FEZF1: variants seen among roughly 807,000 people sequenced by gnomAD.
The protein encoded by FEZF1 is fez family zinc finger protein 1.
FEZF1 carries 8 observed loss-of-function variants against 32.4 expected under a neutral mutation model. The observed-to-expected ratio is 0.25, with a 90% CI of 0.15 to 0.45. The LOEUF is 0.45. FEZF1 is among the 20% of genes least tolerant of loss of function. The pLI, the probability that FEZF1 is intolerant of heterozygous loss-of-function variation, is 1.00. For synonymous variants in FEZF1, 259 were observed against 265.2 expected, an observed-to-expected ratio of 0.98 and a Z score of 0.23; for missense variants, 546 against 622.3, an observed-to-expected ratio of 0.88 and a Z score of 1.31.
chr7:122,304,003 C>A lies in FEZF1; in HGVS notation c.435G>T (p.Arg145Ser), dbSNP rs1456556147. 3 of 1,571,110 alleles carry A rather than the reference C, an allele frequency of 1.9e-6. No homozygotes were observed. In the African/African-American group the frequency reaches 4.1e-5, roughly 21 times the overall value. Residue 145 changes from arginine to serine, a missense_variant, in exon 1 of 4, where the codon AGG becomes AGT. Transcript: ENST00000442488. ...ATGAAGAGTGGTTGACCACACGCGGCCTTACCAGCTTGTACTGCTGCAGCG... is the reference window on the plus strand; with the variant it reads ...ATGAAGAGTGGTTGACCACACGCGGACTTACCAGCTTGTACTGCTGCAGCG... Reference protein sequence around the residue: ...ALPLQQYKLVRPRVVNHSSFH... With the variant: ...ALPLQQYKLVSPRVVNHSSFH...
upstream of FEZF1, among the ~76,000 whole-genome samples, chr7:122,308,023 T>C (rs376453563): frequency 1.2e-4 from 19 of 152,316 alleles, no homozygotes; most frequent in African/African-American, 4.6e-4. Context: ...ATTCAGCAAA[T>C]TCAGAAGCTT....
At position 122,304,113 on chromosome 7, in the gene FEZF1, C is replaced by T; in HGVS notation, c.325G>A (p.Val109Met). Reference sequence around the variant, plus strand: ...CAGCTGAATGCGGGAGCCGAGGGCACCGCCGCGGGCGCCGCCGGGGCCTCC... The same window carrying T: ...CAGCTGAATGCGGGAGCCGAGGGCATCGCCGCGGGCGCCGCCGGGGCCTCC... The part of the protein sequence containing the change: ...SLEAPAAPAA[V>M]PSAPAFSCSD... Residue 109 changes from valine (V) to methionine (M), a missense_variant, in exon 1 of 4, where the codon GTG becomes ATG. This residue lies in a region of FEZF1 where 345 missense variants were observed against 360.6 expected (regional missense o/e 0.96). Coordinates refer to ENST00000442488, the MANE Select transcript of FEZF1 (RefSeq NM_001024613.4). The T allele has an allele frequency of 6.3e-7, 1 of 1,590,248 alleles. No homozygotes were observed. Among genetic ancestry groups the T allele is most frequent in the Non-Finnish European group, 8.6e-7 (1 of 1,167,690 alleles).
At chr7:122,303,488 AG>A in intron 1 of FEZF1, 148 bp downstream of exon 1, 3 of 416,146 alleles carry the variant, frequency 7.2e-6, no homozygotes, top group South Asian at 3.4e-5. Context: ...GAAGGAAGGA[AG>A]GAAGGAAGGA....
upstream of FEZF1, chr7:122,309,712 A>T (rs2031373856): frequency 6.6e-6 from 1 of 152,258 alleles, no homozygotes; most frequent in African/African-American, 2.4e-5. Flanking sequence ...GCGTCAAGCA[A>T]CAAAACCCAG....
Position 122,302,808 on chromosome 7 carries a change from G to A in FEZF1, c.1060C>T (p.His354Tyr). ...TTCCTGGTTTGCATACCTTTTTGAT[G>A]AAACCCTTTGCCACAGAATTCACAC... ...FVCEFCGKGF[H>Y]QKGNYKNHKL... Residue 354 changes from histidine (H) to tyrosine (Y), a missense_variant, in exon 3 of 4, where the codon CAT (histidine) becomes TAT (tyrosine). Transcript: ENST00000442488. This position sits in a 1 kb window ranked among gnomAD's most constrained non-coding sequence, Gnocchi z 4.4. 1 of 1,613,906 alleles carries A rather than the reference G, an allele frequency of 6.2e-7. No homozygotes were observed. The highest frequency in any genetic ancestry group is 8.5e-7 in the Non-Finnish European group (1 of 1,179,904).
upstream of FEZF1, among the ~76,000 whole-genome samples, chr7:122,307,696 A>T (rs1040447685): frequency 1.3e-5 from 2 of 152,400 alleles, no homozygotes; most frequent in African/African-American, 4.8e-5. Flanking sequence ...CCTTTTGGCA[A>T]GTGTTTGAAA....
chr7:122,308,725 G>A (rs186541557), upstream of FEZF1, among the ~76,000 whole-genome samples: 1 of 152,236 alleles, frequency 6.6e-6, no homozygotes. Context: ...CCCTGGTCAT[G>A]TTTTTAGAGT....
In FEZF1 at chr7:122,303,611, G is replaced by A. The variant is rs750955084; in HGVS notation, c.801+26C>T. Reference sequence around the variant, plus strand: ...GAAGGAAGGAAGGGAGGGAAGGAAAGGATCTCCGTTTTGCATTGTACTTGC... The same window carrying A: ...GAAGGAAGGAAGGGAGGGAAGGAAAAGATCTCCGTTTTGCATTGTACTTGC... On this transcript the variant is annotated intron_variant, in intron 1 of 3. Transcript: ENST00000442488. 3.8e-6 allele frequency: 6 copies of A among 1,582,790 alleles called. 1 individual carries two copies. Among genetic ancestry groups the A allele is most frequent in the Middle Eastern group, 1.8e-4 (1 of 5,620 alleles).
upstream of FEZF1, among the ~76,000 whole-genome samples, chr7:122,309,357 G>A (rs533050423): frequency 2.0e-5 from 3 of 152,286 alleles, no homozygotes; most frequent in Admixed American, 2.0e-4. Flanking sequence ...TTTGTCTCTA[G>A]ACCTTTGTTG....
In FEZF1 at chr7:122,301,645, T is replaced by G; in HGVS notation, c.*352A>C. 4.5e-6 allele frequency: 1 copy of G among 222,844 alleles called. No homozygotes were observed. The highest frequency in any genetic ancestry group is 8.6e-6 in the Non-Finnish European group (1 of 116,296). The allele number at this position is 222,844 out of a possible 1,614,324, so 13.8% of individuals were successfully genotyped here. A position where few individuals can be genotyped will look rare whatever the true frequency, so the allele number is the denominator to read the frequency against. ...CCGGGTAGAATAATACAGATCTCAA[T>G]AAATATAGCAGAAATTTGTTTAAAC... On this transcript the variant is annotated 3_prime_UTR_variant, in exon 4 of 4. Coordinates refer to ENST00000442488, the MANE Select transcript of FEZF1 (RefSeq NM_001024613.4).
upstream of FEZF1, chr7:122,308,572 G>A (rs1459438801): frequency 6.6e-6 from 1 of 152,050 alleles, no homozygotes; most frequent in Non-Finnish European, 1.5e-5. Context: ...TAAGATAATA[G>A]AGCCATACAT....
exon 1 of FEZF1, chr7:122,310,453 G>C (rs956434972): frequency 6.6e-6 from 1 of 152,430 alleles, no homozygotes; most frequent in South Asian, 2.1e-4. Flanking sequence ...TCCACTTCTC[G>C]GTTCTTGCTC....
At position 122,304,116 on chromosome 7, in the gene FEZF1, C is replaced by A. The variant is rs1471303842; in HGVS notation, c.322G>T (p.Ala108Ser). The A allele has an allele frequency of 6.3e-7, 1 of 1,592,280 alleles. No individual in the cohort carries two copies. Among genetic ancestry groups the A allele is most frequent in the Non-Finnish European group, 8.6e-7 (1 of 1,168,724 alleles). ...CTGAATGCGGGAGCCGAGGGCACCG[C>A]CGCGGGCGCCGCCGGGGCCTCCAGA... ...ASLEAPAAPA[A>S]VPSAPAFSCS... The change falls in exon 1 of 4, where the codon GCG (alanine) becomes TCG (serine). Residue 108 changes from alanine (A) to serine (S), a missense_variant. Physicochemically the swap from Ala to Ser is moderately conservative, Grantham distance 99. Coordinates refer to ENST00000442488, the MANE Select transcript of FEZF1 (RefSeq NM_001024613.4).
intron 1 of FEZF1, 118 bp downstream of exon 1, chr7:122,303,518 GA>G (rs879310004): frequency 0.03 from 15,373 of 518,194 alleles, 358 homozygotes; most frequent in Non-Finnish European, 0.031. Flanking sequence ...AGGAAGGAAG[GA>G]AGGAAGGAAG....
Position 122,304,250 on chromosome 7 carries a change from T to A in FEZF1, c.188A>T (p.His63Leu). The A allele has an allele frequency of 1.2e-6, 2 of 1,603,174 alleles. No individual in the cohort carries two copies. Among genetic ancestry groups the A allele is most frequent in the Non-Finnish European group, 1.7e-6 (2 of 1,173,944 alleles). Reference sequence around the variant, plus strand: ...GATCGACGAGTTGAGATGCAGAGAGTGCTTGGGTTCCCCCTTGGGTAAGGC... The same window carrying A: ...GATCGACGAGTTGAGATGCAGAGAGAGCTTGGGTTCCCCCTTGGGTAAGGC... Reference protein sequence around the residue: ...QGALPKGEPKHSLHLNSSIPC... With the variant: ...QGALPKGEPKLSLHLNSSIPC... The change falls in exon 1 of 4, where the codon CAC becomes CTC. Residue 63 changes from histidine (H) to leucine (L), a missense_variant. Physicochemically the swap from His to Leu is moderately conservative, Grantham distance 99. This residue lies in a region of FEZF1 where 345 missense variants were observed against 360.6 expected (regional missense o/e 0.96). Transcript: ENST00000442488.
chr7:122,301,950 C>T lies in FEZF1; in HGVS notation c.*47G>A. The stretch of plus-strand genomic sequence containing the variant: ...GACCAGGAGCTCTAGTCTGCCGCTG[C>T]CTCAGCGTGGGGGCACGGCTGAGGC... On this transcript the variant is annotated 3_prime_UTR_variant, in exon 4 of 4. Transcript: ENST00000442488. 1 of 1,541,402 alleles carries T rather than the reference C, an allele frequency of 6.5e-7. No homozygotes were observed. Among genetic ancestry groups the T allele is most frequent in the Non-Finnish European group, 8.6e-7 (1 of 1,157,018 alleles).
rs370467502 is a variant in FEZF1, at chr7:122,303,885, A to G, written c.553T>C (p.Phe185Leu). 3.0e-4 allele frequency: 489 copies of G among 1,614,120 alleles called. 7 individuals are homozygous for G. In the South Asian group the frequency reaches 4.2e-3, roughly 14 times the overall value. ...TGCGGGTGCAAAGGGGAACTGAGGA[A>G]GTAGGAGGCCACCGGGTGGATGTTC... ...GVNIHPVASY[F>L]LSSPLHPQPK... Residue 185 changes from phenylalanine to leucine, a missense_variant, in exon 1 of 4, where the codon TTC becomes CTC. By Grantham distance (22) the Phe-to-Leu change is conservative. Transcript: ENST00000442488.
rs1211349116 is a variant in FEZF1 at position 122,302,987 on chromosome 7, T to G, written c.937-56A>C. ...TTAGATATTTTCTAATTATGTGAAG[T>G]TCTGCAAGCTCAAAACACAGTAATG... On this transcript the variant is annotated intron_variant, in intron 2 of 3. Transcript: ENST00000442488. The surrounding 1 kb of genome is among the most constrained non-coding windows in gnomAD (Gnocchi z 4.4). The G allele has an allele frequency of 5.8e-6, 9 of 1,564,116 alleles. No homozygotes were observed. In the African/African-American group the frequency reaches 1.1e-4, roughly 19 times the overall value.
chr7:122,303,612 G>T (rs1321178118), intron 1 of FEZF1, 25 bp downstream of exon 1: 1 of 1,582,864 alleles, frequency 6.3e-7, no homozygotes, highest in Non-Finnish European at 8.6e-7. Context: ...GGAAGGAAAG[G>T]ATCTCCGTTT....
Sources: allele counts gnomAD v4.1 joint callset (sites outside exome capture counted in the v4.1 genomes callset), GRCh38; gene constraint gnomAD v4.1.1; regional missense constraint gnomAD v4.1.1; non-coding constraint Gnocchi (gnomAD v3.1); transcripts MANE v1.5; gene names NCBI Gene and HGNC (gene_info 2026-07-23, HGNC 2026-07-21).